GALNT14: variants seen among roughly 807,000 people sequenced by gnomAD.
GALNT14 encodes the protein UDP-GalNAc:polypeptide N-acetylgalactosaminyltransferase 14.
GALNT14 carries 60 observed loss-of-function variants against 77.5 expected under a neutral mutation model. The observed-to-expected ratio is 0.77, with a 90% CI of 0.63 to 0.96. The LOEUF (loss-of-function observed/expected upper bound fraction) is 0.96. GALNT14 is among the 40% of genes least tolerant of loss of function. The pLI is 0.00. For synonymous variants in GALNT14, 280 were observed against 281.7 expected, an observed-to-expected ratio of 0.99 and a Z score of 0.06; for missense variants, 710 against 731.0, an observed-to-expected ratio of 0.97 and a Z score of 0.33.
intron 1 of GALNT14, among the ~76,000 whole-genome samples, chr2:30,995,740 T>A (rs1187543644): frequency 6.6e-6 from 1 of 152,172 alleles, no homozygotes; most frequent in Non-Finnish European, 1.5e-5. Flanking sequence ...CTTCAGGCAA[T>A]CCTTCCACCT....
chr2:31,053,714 C>A (rs937362524), intron 1 of GALNT14, among the ~76,000 whole-genome samples: 3 of 152,170 alleles, frequency 2.0e-5, no homozygotes, highest in African/African-American at 7.2e-5. Flanking sequence ...TTCCCAGGAG[C>A]TCAAAGCCCA....
intron 3 of GALNT14, among the ~76,000 whole-genome samples, chr2:30,964,373 C>G (rs543154888): frequency 6.6e-6 from 1 of 152,320 alleles, no homozygotes; most frequent in South Asian, 2.1e-4. Flanking sequence ...TGTGTCCTCT[C>G]AGCCTGGATG....
chr2:30,940,309 T>C (rs1231904840), intron 9 of GALNT14, among the ~76,000 whole-genome samples: 1 of 152,172 alleles, frequency 6.6e-6, no homozygotes, highest in African/African-American at 2.4e-5. Flanking sequence ...TTGCTACCAA[T>C]ACCAAAATGG....
intron 1 of GALNT14, among the ~76,000 whole-genome samples, chr2:31,088,927 G>A (rs573689435): frequency 1.1e-4 from 17 of 152,260 alleles, no homozygotes; most frequent in African/African-American, 4.1e-4. Context: ...TCTAGCAAGA[G>A]GGGAAACAGC....
At chr2:30,924,378 T>C in intron 12 of GALNT14, 115 bp from the exon 13 acceptor site, 1 of 1,115,232 alleles carries the variant, frequency 9.0e-7, no homozygotes, top group Non-Finnish European at 1.3e-6. Context: ...TGTTAGAAAA[T>C]ATCTGCACTG....
chr2:31,136,891 T>C (rs893919069), intron 1 of GALNT14, among the ~76,000 whole-genome samples: 2 of 152,184 alleles, frequency 1.3e-5, no homozygotes, highest in African/African-American at 4.8e-5. Context: ...CCCTCTGTAC[T>C]GTACTTAACT....
At chr2:30,979,210 C>T (rs537995683) in intron 2 of GALNT14, among the ~76,000 whole-genome samples, 8 of 152,238 alleles carry the variant, frequency 5.3e-5, no homozygotes, top group South Asian at 4.1e-4. Flanking sequence ...GTCACCCAGA[C>T]GAGAGGGGGC....
chr2:31,051,315 T>C (rs2148519489), intron 1 of GALNT14, among the ~76,000 whole-genome samples: 1 of 152,304 alleles, frequency 6.6e-6, no homozygotes, highest in South Asian at 2.1e-4. Context: ...GCATTCTTAG[T>C]TGTGATTAAC....
At chr2:31,118,774 A>G (rs1483818431) in intron 1 of GALNT14, among the ~76,000 whole-genome samples, 1 of 152,198 alleles carries the variant, frequency 6.6e-6, no homozygotes, top group Non-Finnish European at 1.5e-5. Flanking sequence ...TTTGATAATG[A>G]TGTGATTTTT....
In GALNT14 at chr2:31,029,003, T is replaced by C. The variant is rs1299168109; in HGVS notation, c.130-35996A>G. 3.3e-5 allele frequency among the ~76,000 whole-genome samples: 5 copies of C among 152,264 alleles called. No individual in the cohort carries two copies. In the East Asian group the frequency reaches 9.7e-4, roughly 29 times the overall value. ...AGAACATTTATTAGCAGTTCTCAGG[T>C]GCTCTTCCCTATGCTCAATTCTCTG... On this transcript the variant is annotated intron_variant, in intron 1 of 14. Transcript: ENST00000349752.
chr2:31,068,657 C>G (rs919736147), intron 1 of GALNT14, among the ~76,000 whole-genome samples: 5 of 152,192 alleles, frequency 3.3e-5, no homozygotes, highest in Non-Finnish European at 5.9e-5. Flanking sequence ...AACAGAGCAG[C>G]TCACCACTGC....
intron 1 of GALNT14, among the ~76,000 whole-genome samples, chr2:31,020,836 T>C (rs774899509): frequency 6.6e-6 from 1 of 152,014 alleles, no homozygotes; most frequent in Non-Finnish European, 1.5e-5. Context: ...TCAGCTGCTC[T>C]GAAGGGAGTA....
At chr2:31,042,233 T>A (rs1434433652) in intron 1 of GALNT14, among the ~76,000 whole-genome samples, 2 of 152,210 alleles carry the variant, frequency 1.3e-5, no homozygotes, top group African/African-American at 4.8e-5. Flanking sequence ...CTGGTGAATA[T>A]AAAATAGGCT....
intron 1 of GALNT14, among the ~76,000 whole-genome samples, chr2:31,104,970 A>C (rs1677482410): frequency 6.6e-6 from 1 of 152,156 alleles, no homozygotes; most frequent in Non-Finnish European, 1.5e-5. Flanking sequence ...TTTCTTATGA[A>C]ACCTCCACCC....
At chr2:31,129,295 G>C (rs1486448216) in intron 1 of GALNT14, 1 of 763,260 alleles carries the variant, frequency 1.3e-6, no homozygotes, top group African/African-American at 1.9e-5. Flanking sequence ...GTCGCAGTAA[G>C]GATCAAATGA....
chr2:30,997,487 C>T (rs1318138310), intron 1 of GALNT14, among the ~76,000 whole-genome samples: 7 of 152,148 alleles, frequency 4.6e-5, no homozygotes, highest in African/African-American at 9.7e-5. Flanking sequence ...TGATACGTCC[C>T]GGGAAAACAA....
intron 1 of GALNT14, among the ~76,000 whole-genome samples, chr2:31,118,534 A>T (rs1183096550): frequency 6.6e-6 from 1 of 152,174 alleles, no homozygotes; most frequent in Non-Finnish European, 1.5e-5. Context: ...ATCCAAAAAA[A>T]CTAATAAAAA....
intron 1 of GALNT14, among the ~76,000 whole-genome samples, chr2:31,068,380 A>C (rs10189705): frequency 1.3e-5 from 2 of 151,542 alleles, no homozygotes; most frequent in Admixed American, 6.6e-5. Flanking sequence ...CCAGCTATTC[A>C]GGAGGCTGAG....
intron 1 of GALNT14, among the ~76,000 whole-genome samples, chr2:31,136,664 C>T (rs182081195): frequency 9.8e-5 from 15 of 152,290 alleles, no homozygotes; most frequent in African/African-American, 3.6e-4. Flanking sequence ...AACATAAGTG[C>T]TAGAAGACTT....
Sources: allele counts gnomAD v4.1 joint callset (sites outside exome capture counted in the v4.1 genomes callset), GRCh38; gene constraint gnomAD v4.1.1; transcripts MANE v1.5; gene names NCBI Gene and HGNC (gene_info 2026-07-23, HGNC 2026-07-21).